The following INSR variants were observed in gnomAD, a reference collection of about 807,000 sequenced individuals.
The protein encoded by INSR is insulin receptor.
Under a neutral mutation model 142.6 loss-of-function variants are expected in INSR, and 67 were observed. The observed-to-expected ratio is 0.47, with a 90% CI of 0.39 to 0.58. INSR has a LOEUF of 0.58. Among genes scored for constraint, INSR ranks in the 20% least tolerant of loss-of-function variants. The pLI is 0.00. For missense variants in INSR, 1,248 were observed against 1,833.2 expected, an observed-to-expected ratio of 0.68 and a Z score of 5.83; for synonymous variants, 756 against 743.1, an observed-to-expected ratio of 1.02 and a Z score of -0.28.
At chr19:7,246,909 T>TGAGAGCCCTGTGTTGC (rs1190921910) in intron 2 of INSR, among the ~76,000 whole-genome samples, 20 of 145,262 alleles carry the variant, frequency 1.4e-4, no homozygotes, top group African/African-American at 3.7e-4. Context: ...TGATACAAGC[T>TGAGAGCCCTGTGTTGC]CCATGAATGA....
At chr19:7,177,468 T>C (rs1974159875) in intron 3 of INSR, among the ~76,000 whole-genome samples, 1 of 152,088 alleles carries the variant, frequency 6.6e-6, no homozygotes. Flanking sequence ...AACTTTTTGG[T>C]TATGGGTACC....
intron 17 of INSR, among the ~76,000 whole-genome samples, chr19:7,124,540 GGAAAAAAA>G (rs1972576487): frequency 9.3e-5 from 1 of 10,810 alleles, no homozygotes; most frequent in Non-Finnish European, 1.5e-4. Flanking sequence ...CTCCGTTTCA[GGAAAAAAA>G]AAAAAAAAAA....
intron 3 of INSR, among the ~76,000 whole-genome samples, chr19:7,181,560 C>CTT (rs369084103): frequency 1.5e-4 from 20 of 137,026 alleles, no homozygotes; most frequent in East Asian, 1.0e-3. Flanking sequence ...ATGGTGAGAC[C>CTT]TTTTTTTTTT....
At position 7,216,981 on chromosome 19, in the gene INSR, T is replaced by G. The variant is rs974036327; in HGVS notation, c.653-32344A>C. On this transcript the variant is annotated intron_variant, in intron 2 of 21. Coordinates refer to ENST00000302850, the MANE Select transcript of INSR (RefSeq NM_000208.4). The surrounding 1 kb of genome is among the most constrained non-coding windows in gnomAD (Gnocchi z 4.2). Reference sequence around the variant, plus strand: ...TGTGTGCCACCAAGCCCAGCTAATTTTTCTTCTTCTTCTTCTTCTTTTTTT... The same window carrying G: ...TGTGTGCCACCAAGCCCAGCTAATTGTTCTTCTTCTTCTTCTTCTTTTTTT... 7.4e-6 allele frequency among the ~76,000 whole-genome samples: 1 copy of G among 134,434 alleles called. No individual in the cohort carries two copies. Among genetic ancestry groups the G allele is most frequent in the South Asian group, 2.4e-4 (1 of 4,170 alleles). The allele number at this position is 134,434 out of a possible 152,430, so 88.2% of individuals were successfully genotyped here.
intron 1 of INSR, among the ~76,000 whole-genome samples, chr19:7,286,158 G>A (rs1968339930): frequency 6.7e-6 from 1 of 150,366 alleles, no homozygotes; most frequent in Non-Finnish European, 1.5e-5. Context: ...TTTTTTGTAG[G>A]GTTTTGTAGA....
chr19:7,130,910 A>G (rs1972761992), intron 14 of INSR, among the ~76,000 whole-genome samples: 2 of 142,258 alleles, frequency 1.4e-5, no homozygotes, highest in Admixed American at 1.4e-4. Context: ...ACAGAGTCTC[A>G]CTCTGTCACC....
At chr19:7,271,979 C>T (rs1007392941) in intron 1 of INSR, among the ~76,000 whole-genome samples, 5 of 151,512 alleles carry the variant, frequency 3.3e-5, no homozygotes, top group Non-Finnish European at 7.4e-5. Context: ...CCCTGCACTC[C>T]AGCCTGGGCA....
intron 4 of INSR, among the ~76,000 whole-genome samples, chr19:7,173,713 G>A (rs1974072296): frequency 7.1e-6 from 1 of 140,296 alleles, no homozygotes; most frequent in South Asian, 2.3e-4. Context: ...TCCACTTCCT[G>A]AGTTCAAACG....
intron 2 of INSR, among the ~76,000 whole-genome samples, chr19:7,265,793 G>C (rs962092900): frequency 6.6e-6 from 1 of 151,398 alleles, no homozygotes; most frequent in South Asian, 2.1e-4. Flanking sequence ...TTCATGGGTA[G>C]AAGAAGACTT....
At chr19:7,143,375 C>G (rs1178146633) in intron 11 of INSR, among the ~76,000 whole-genome samples, 2 of 152,120 alleles carry the variant, frequency 1.3e-5, no homozygotes, top group African/African-American at 2.4e-5. Context: ...CCTCGACATG[C>G]TCGATTTCAG....
chr19:7,285,659 A>G (rs979752239), intron 1 of INSR, among the ~76,000 whole-genome samples: 4 of 152,148 alleles, frequency 2.6e-5, no homozygotes, highest in Admixed American at 2.6e-4. Flanking sequence ...TTAAATTTTA[A>G]ATTTTAAAAA....
chr19:7,262,449 G>A (rs2145199145), intron 2 of INSR, among the ~76,000 whole-genome samples: 1 of 152,278 alleles, frequency 6.6e-6, no homozygotes, highest in South Asian at 2.1e-4. Context: ...TCCAGCCTGG[G>A]CGACGAGAGC....
Position 7,192,592 on chromosome 19 carries a change from G to A in INSR, c.653-7955C>T, listed in dbSNP as rs986889621. On this transcript the variant is annotated intron_variant, in intron 2 of 21. Coordinates refer to ENST00000302850, the MANE Select transcript of INSR (RefSeq NM_000208.4). This position sits in a 1 kb window ranked among gnomAD's most constrained non-coding sequence, Gnocchi z 4.2. ...TCAGCAGCCCAGGCTATGTCTGCCA[G>A]ACAAGATGGCAGACTTGCAGGAAAA... Among the ~76,000 whole-genome samples, 1 of 152,222 alleles carries A rather than the reference G, an allele frequency of 6.6e-6. No individual in the cohort carries two copies. Among genetic ancestry groups the A allele is most frequent in the Non-Finnish European group, 1.5e-5 (1 of 68,048 alleles).
chr19:7,140,921 T>G (rs1472120904), intron 13 of INSR, among the ~76,000 whole-genome samples: 1 of 152,162 alleles, frequency 6.6e-6, no homozygotes, highest in Non-Finnish European at 1.5e-5. Context: ...GCTTAGCAAC[T>G]GTTTGGGTTC....
chr19:7,153,001 C>A (rs1210557124), intron 9 of INSR, 74 bp from the exon 10 acceptor site: 6 of 735,240 alleles, frequency 8.2e-6, no homozygotes, highest in African/African-American at 2.5e-5. Context: ...ACACACCCCA[C>A]ACACACACAC....
At chr19:7,235,964 GC>G (rs1976145672) in intron 2 of INSR, among the ~76,000 whole-genome samples, 1 of 136,898 alleles carries the variant, frequency 7.3e-6, no homozygotes, top group Non-Finnish European at 1.5e-5. Flanking sequence ...AAACAATCTG[GC>G]CTTTCCTTTT....
intron 19 of INSR, 82 bp downstream of exon 19, chr19:7,122,531 TA>T: frequency 7.0e-7 from 1 of 1,424,906 alleles, no homozygotes; most frequent in Non-Finnish European, 9.9e-7. Flanking sequence ...AGAAAAGACT[TA>T]ACGGCTCATT....
chr19:7,268,757 GTTGT>G (rs1568229957), intron 1 of INSR: 3 of 275,550 alleles, frequency 1.1e-5, no homozygotes, highest in South Asian at 1.4e-4. Flanking sequence ...TCTTCTTGCT[GTTGT>G]TTATTCCCCC....
intron 17 of INSR, among the ~76,000 whole-genome samples, chr19:7,124,322 T>C (rs1405699372): frequency 1.4e-5 from 2 of 140,494 alleles, no homozygotes; most frequent in Admixed American, 7.4e-5. Flanking sequence ...TGAGCTGAGA[T>C]CATGCCACTG....
Sources: gnomAD v4.1 joint callset for allele counts (sites outside exome capture counted in the v4.1 genomes callset) on GRCh38, gnomAD v4.1.1 for gene constraint, Gnocchi (gnomAD v3.1) non-coding constraint, MANE v1.5 for transcripts, NCBI Gene and HGNC (gene_info 2026-07-23, HGNC 2026-07-21) for gene names.